Variants in CPT1A observed in about 807,000 individuals in gnomAD.
The protein encoded by CPT1A is carnitine O-palmitoyltransferase 1, liver isoform.
Under a neutral mutation model 100.8 loss-of-function variants are expected in CPT1A, and 64 were observed. The observed-to-expected ratio is 0.63, with a 90% CI of 0.52 to 0.78. The LOEUF is 0.78. CPT1A is among the 30% of genes least tolerant of loss of function. The pLI, the probability that CPT1A is intolerant of heterozygous loss-of-function variation, is 0.00. For missense variants in CPT1A, 802 were observed against 1,034.1 expected, an observed-to-expected ratio of 0.78 and a Z score of 3.08; for synonymous variants, 363 against 396.0, an observed-to-expected ratio of 0.92 and a Z score of 0.99.
chr11:68,757,645 T>G lies in CPT1A; in HGVS notation c.2321A>C (p.Ter774SerextTer18). 1 of 1,614,196 alleles carries G rather than the reference T, an allele frequency of 6.2e-7. No individual in the cohort carries two copies. The highest frequency in any genetic ancestry group is 1.1e-5 in the South Asian group (1 of 91,080). The change falls in exon 19 of 19, where the codon TAA becomes TCA. Residue 774 changes from the stop codon to serine (S), a stop_lost. Coordinates refer to ENST00000265641, the MANE Select transcript of CPT1A (RefSeq NM_001876.4). ...LFGLSSNSKK[*>S] ...TCCTTCCCAGCAGCTCCAGTGGAATTACTTTTTGGAATTAGAACTGAGACC... is the reference window on the plus strand; with the variant it reads ...TCCTTCCCAGCAGCTCCAGTGGAATGACTTTTTGGAATTAGAACTGAGACC...
chr11:68,819,869 G>T (rs1469008004), intron 1 of CPT1A, among the ~76,000 whole-genome samples: 1 of 152,192 alleles, frequency 6.6e-6, no homozygotes, highest in Non-Finnish European at 1.5e-5. Context: ...AGAAATGAGT[G>T]AATCCAACAA....
chr11:68,819,911 G>A (rs763036710), intron 1 of CPT1A, among the ~76,000 whole-genome samples: 11 of 152,334 alleles, frequency 7.2e-5, no homozygotes, highest in Non-Finnish European at 5.9e-5. Flanking sequence ...CAAATGTAAT[G>A]AGCGCAAATC....
intron 7 of CPT1A, among the ~76,000 whole-genome samples, chr11:68,795,766 C>T (rs888206340): frequency 2.0e-5 from 3 of 151,752 alleles, no homozygotes; most frequent in African/African-American, 7.3e-5. Flanking sequence ...AAAAATTAGC[C>T]GGGCGTTGTG....
At position 68,793,303 on chromosome 11, in the gene CPT1A, A is replaced by G; in HGVS notation, c.967+12T>C. The stretch of plus-strand genomic sequence containing the variant: ...CCGATTCTCCAGGGGGCCCTGAAGA[A>G]GCTTGACTCACCTGTCTCCTCTCCT... On this transcript the variant is annotated intron_variant, in intron 9 of 18. Coordinates refer to ENST00000265641, the MANE Select transcript of CPT1A (RefSeq NM_001876.4). 1 of 1,602,648 alleles carries G rather than the reference A, an allele frequency of 6.2e-7. No individual in the cohort carries two copies. Among genetic ancestry groups the G allele is most frequent in the Non-Finnish European group, 8.5e-7 (1 of 1,172,452 alleles).
chr11:68,757,841 A>G, intron 18 of CPT1A, 111 bp from the exon 19 acceptor site: 1 of 922,100 alleles, frequency 1.1e-6, no homozygotes, highest in Non-Finnish European at 1.7e-6. Flanking sequence ...CCTTTCTGCC[A>G]GTTCTCTAAG....
downstream of CPT1A, chr11:68,754,632 T>A: frequency 1.7e-6 from 1 of 602,018 alleles, no homozygotes. Context: ...ACTTTTAACA[T>A]ATTTATTGAG....
intron 10 of CPT1A, among the ~76,000 whole-genome samples, chr11:68,784,148 C>T (rs1245099217): frequency 6.6e-6 from 1 of 152,218 alleles, no homozygotes; most frequent in Non-Finnish European, 1.5e-5. Context: ...TAGGCGTGAG[C>T]CACTGCGCCC....
chr11:68,786,125 G>A (rs1855456868), intron 9 of CPT1A: 8 of 697,854 alleles, frequency 1.1e-5, no homozygotes, highest in Non-Finnish European at 2.1e-5. Context: ...ACTTCAGGAG[G>A]CCAAGGAGGG....
intron 7 of CPT1A, among the ~76,000 whole-genome samples, chr11:68,795,925 G>T (rs1207035206): frequency 6.7e-6 from 1 of 149,268 alleles, no homozygotes. Flanking sequence ...AAAAAGAAAA[G>T]AAAAAGTAAA....
intron 1 of CPT1A, among the ~76,000 whole-genome samples, chr11:68,840,676 C>CT (rs1482978344): frequency 6.6e-6 from 1 of 152,242 alleles, no homozygotes; most frequent in Non-Finnish European, 1.5e-5. Context: ...CGGCCCTCAT[C>CT]TTTGAGTTCT....
In CPT1A at chr11:68,790,194, C is replaced by T. The variant is rs558445377; in HGVS notation, c.967+3121G>A. ...CAAGTGATCCTCCCTCCTCAGCCTC[C>T]TGAGTAGCTGGGACCACAGGTACAC... On this transcript the variant is annotated intron_variant, in intron 9 of 18. Coordinates refer to ENST00000265641, the MANE Select transcript of CPT1A (RefSeq NM_001876.4). 3.3e-5 allele frequency among the ~76,000 whole-genome samples: 5 copies of T among 152,232 alleles called. No individual in the cohort carries two copies. The East Asian group carries it at 9.7e-4, about 29-fold the overall frequency.
At chr11:68,762,605 C>T (rs963143298) in intron 15 of CPT1A, 22 bp downstream of exon 15, 11 of 1,612,834 alleles carry the variant, frequency 6.8e-6, no homozygotes, top group Non-Finnish European at 9.3e-6. Context: ...CACGTTGTGT[C>T]CTCAGCCTGA....
At chr11:68,758,131 G>A (rs1946727773) in intron 18 of CPT1A, among the ~76,000 whole-genome samples, 1 of 152,118 alleles carries the variant, frequency 6.6e-6, no homozygotes, top group South Asian at 2.1e-4. Flanking sequence ...AGCCAGGTGT[G>A]GTGGCACTCC....
intron 14 of CPT1A, among the ~76,000 whole-genome samples, chr11:68,770,484 C>T (rs1854957718): frequency 6.6e-6 from 1 of 152,218 alleles, no homozygotes; most frequent in South Asian, 2.1e-4. Context: ...CTGCCTCCCA[C>T]ACTTTTACTT....
At chr11:68,785,909 A>G in intron 9 of CPT1A, 1 of 639,238 alleles carries the variant, frequency 1.6e-6, no homozygotes, top group Non-Finnish European at 2.8e-6. Context: ...AGAGTAATTT[A>G]AGCTCCTCAG....
intron 3 of CPT1A, among the ~76,000 whole-genome samples, chr11:68,811,039 C>T (rs780057192): frequency 5.9e-5 from 9 of 152,172 alleles, no homozygotes; most frequent in Non-Finnish European, 1.0e-4. Context: ...GTTTACGTCT[C>T]TTTTTCTGCC....
Position 68,756,221 on chromosome 11 carries a change from G to A in CPT1A, c.*1423C>T, listed in dbSNP as rs1946691996. ...TATCGGGGTGCAGCACTCTGAAGGA[G>A]TCAGGCCCAACTAGAACCAAGTGGT... is the stretch of plus-strand genomic sequence containing the variant. On this transcript the variant is annotated 3_prime_UTR_variant, in exon 19 of 19. Coordinates refer to ENST00000265641, the MANE Select transcript of CPT1A (RefSeq NM_001876.4). The A allele has an allele frequency of 6.6e-6, 1 of 151,882 alleles. No homozygotes were observed. The highest frequency in any genetic ancestry group is 2.4e-5 in the African/African-American group (1 of 41,328). 9.4% of individuals were successfully genotyped at this position (151,882 alleles called of 1,614,324 possible). A position where few individuals can be genotyped will look rare whatever the true frequency, so the allele number is the denominator to read the frequency against.
rs1051154320 is a variant in CPT1A at position 68,841,359 on chromosome 11, C to T, written c.-14+416G>A. Among the ~76,000 whole-genome samples the T allele has an allele frequency of 6.6e-6, 1 of 152,152 alleles. No individual in the cohort carries two copies. The highest frequency in any genetic ancestry group is 1.5e-5 in the Non-Finnish European group (1 of 68,000). The stretch of plus-strand genomic sequence containing the variant: ...CATCCCTCCCGCGGCCACCCGCAGG[C>T]TGACCGACCCCTGGGCAGACCCTCA... On this transcript the variant is annotated intron_variant, in intron 1 of 18. Coordinates refer to ENST00000265641, the MANE Select transcript of CPT1A (RefSeq NM_001876.4). The surrounding 1 kb of genome is among the most constrained non-coding windows in gnomAD (Gnocchi z 6.3).
chr11:68,760,300 G>A lies in CPT1A; in HGVS notation c.2067C>T (p.Thr689=), dbSNP rs751692323. The A allele has an allele frequency of 1.9e-6, 3 of 1,612,802 alleles. No individual in the cohort carries two copies. The Admixed American group carries it at 5.0e-5, about 27-fold the overall frequency. The part of the protein sequence containing the change: ...SEPWRLSTSQ[T]PQQQVELFDL... ...CAAACAGCTCCACTTGCTGCTGAGG[G>A]GTCTGGCTTGTTGATAATCTCCAAG... The change falls in exon 17 of 19, where the codon ACC becomes ACT. Residue 689 remains threonine, a synonymous_variant. Coordinates refer to ENST00000265641, the MANE Select transcript of CPT1A (RefSeq NM_001876.4).
Sources: allele counts gnomAD v4.1 joint callset (sites outside exome capture counted in the v4.1 genomes callset), GRCh38; gene constraint gnomAD v4.1.1; non-coding constraint Gnocchi (gnomAD v3.1); transcripts MANE v1.5; gene names NCBI Gene and HGNC (gene_info 2026-07-23, HGNC 2026-07-21).